MEI4: variants seen among roughly 807,000 people sequenced by gnomAD.
MEI4 encodes the protein meiosis-specific protein MEI4.
A neutral mutation model predicts 31.4 loss-of-function variants in MEI4; 27 were observed. That is an observed-to-expected ratio of 0.86 (90% confidence interval 0.63 to 1.19). The LOEUF is 1.19. Ranked by LOEUF, MEI4 falls within the 50% of genes most tolerant of loss-of-function variation. The pLI is 0.00. For synonymous variants in MEI4, 122 were observed against 145.4 expected, an observed-to-expected ratio of 0.84 and a Z score of 1.16; for missense variants, 329 against 398.9, an observed-to-expected ratio of 0.82 and a Z score of 1.49.
At chr6:77,836,357 CTTATA>C (rs911214829) in intron 4 of MEI4, among the ~76,000 whole-genome samples, 2 of 152,006 alleles carry the variant, frequency 1.3e-5, no homozygotes, top group Non-Finnish European at 2.9e-5. Context: ...TACATGCATA[CTTATA>C]TTAAATACTT....
rs1448527017 is a variant in MEI4 at position 77,699,435 on chromosome 6, G to A, written c.232+8532G>A. ...TCTCGATCTCCTGACCTCGTGATCCGCCCGCCTCGGCCTCCCAAAGTGCTG... is the reference window on the plus strand; with the variant it reads ...TCTCGATCTCCTGACCTCGTGATCCACCCGCCTCGGCCTCCCAAAGTGCTG... On this transcript the variant is annotated intron_variant, in intron 2 of 4. Coordinates refer to ENST00000684080, the MANE Select transcript of MEI4 (RefSeq NM_001322247.2). 2.2e-4 allele frequency among the ~76,000 whole-genome samples: 33 copies of A among 151,604 alleles called. No individual in the cohort carries two copies. The South Asian group carries it at 2.5e-3, about 11-fold the overall frequency.
Position 77,887,243 on chromosome 6 carries a change from A to ATTT in MEI4, c.901-35837_901-35835dup, listed in dbSNP as rs34204849. 5.9e-3 allele frequency among the ~76,000 whole-genome samples: 785 copies of ATTT among 133,642 alleles called. 7 individuals carry two copies. The highest frequency in any genetic ancestry group is 1.0e-2 in the Non-Finnish European group (604 of 60,478). 87.7% of individuals were successfully genotyped at this position (133,642 alleles called of 152,430 possible). On this transcript the variant is annotated intron_variant, in intron 4 of 4. Coordinates refer to ENST00000684080, the MANE Select transcript of MEI4 (RefSeq NM_001322247.2). The stretch of plus-strand genomic sequence containing the variant: ...GTGGTCATTCATAGTCATTTTGTTT[A>ATTT]TTTTTTTTTTTACAATTTCCAAATA...
chr6:77,910,811 C>G (rs1766416968), intron 4 of MEI4, among the ~76,000 whole-genome samples: 1 of 151,674 alleles, frequency 6.6e-6, no homozygotes, highest in African/African-American at 2.4e-5. Context: ...TATTGTAATT[C>G]TATTTTTTGT....
intron 2 of MEI4, among the ~76,000 whole-genome samples, chr6:77,735,954 G>C (rs918093660): frequency 8.8e-6 from 1 of 113,064 alleles, no homozygotes. Flanking sequence ...TCGGGGGTCA[G>C]GGGTCAGGGA....
intron 3 of MEI4, among the ~76,000 whole-genome samples, chr6:77,823,792 A>C (rs1769882401): frequency 6.6e-6 from 1 of 152,176 alleles, no homozygotes; most frequent in Non-Finnish European, 1.5e-5. Flanking sequence ...AGTAGGAAAC[A>C]CATTAGTGGC....
intron 1 of MEI4, among the ~76,000 whole-genome samples, chr6:77,685,635 C>A (rs1271613784): frequency 1.3e-5 from 2 of 151,832 alleles, no homozygotes; most frequent in Admixed American, 1.3e-4. Context: ...CCATGTTATG[C>A]AGCTCTTTCC....
intron 3 of MEI4, among the ~76,000 whole-genome samples, chr6:77,775,945 A>G (rs1768427908): frequency 6.6e-6 from 1 of 151,986 alleles, no homozygotes; most frequent in African/African-American, 2.4e-5. Flanking sequence ...ATCATTAGTG[A>G]TGTTGAGCAT....
At chr6:77,873,968 C>A (rs1308270076) in intron 4 of MEI4, among the ~76,000 whole-genome samples, 4 of 152,178 alleles carry the variant, frequency 2.6e-5, no homozygotes, top group African/African-American at 9.7e-5. Context: ...ATCTATATCT[C>A]TGTTTTGGTG....
intron 4 of MEI4, among the ~76,000 whole-genome samples, chr6:77,901,922 A>G (rs1182136174): frequency 6.6e-6 from 1 of 152,060 alleles, no homozygotes; most frequent in African/African-American, 2.4e-5. Context: ...CATTCTACAT[A>G]TGAATATTCA....
rs565380066 is a variant in MEI4 at position 77,792,000 on chromosome 6, G to T, written c.768+30335G>T. Among the ~76,000 whole-genome samples the T allele has an allele frequency of 5.1e-4, 78 of 152,256 alleles. 3 individuals are homozygous for T. In the South Asian group the frequency reaches 0.016, roughly 31 times the overall value. On this transcript the variant is annotated intron_variant, in intron 3 of 4. Coordinates refer to ENST00000684080, the MANE Select transcript of MEI4 (RefSeq NM_001322247.2). ...ACCATAGTACTCTTTACTGCTATGA[G>T]TTCAACCTTTTTAGCTTTCTAATGT... is the stretch of plus-strand genomic sequence containing the variant.
At chr6:77,667,951 C>A (rs1768668688) in intron 1 of MEI4, among the ~76,000 whole-genome samples, 1 of 146,018 alleles carries the variant, frequency 6.8e-6, no homozygotes, top group Non-Finnish European at 1.5e-5. Flanking sequence ...GACTATAGAT[C>A]TAGCTTAAAA....
rs558316379 is a variant in MEI4, at chr6:77,912,266, T to A, written c.901-10823T>A. Among the ~76,000 whole-genome samples, 5 of 152,296 alleles carry A rather than the reference T, an allele frequency of 3.3e-5. No individual in the cohort carries two copies. In the South Asian group the frequency reaches 1.0e-3, roughly 32 times the overall value. On this transcript the variant is annotated intron_variant, in intron 4 of 4. Coordinates refer to ENST00000684080, the MANE Select transcript of MEI4 (RefSeq NM_001322247.2). ...TTTTGAAGTCAGGTAGTGTGATCCC[T>A]CTAGCTTTGCTCTTTTTCCTCGGGA...
intron 1 of MEI4, among the ~76,000 whole-genome samples, chr6:77,674,904 GTAT>G (rs1375970946): frequency 6.6e-6 from 1 of 151,882 alleles, no homozygotes; most frequent in Admixed American, 6.6e-5. Flanking sequence ...AATATATATT[GTAT>G]TATTTATATT....
At chr6:77,741,610 T>C (rs181223554) in intron 2 of MEI4, among the ~76,000 whole-genome samples, 11 of 152,272 alleles carry the variant, frequency 7.2e-5, no homozygotes, top group African/African-American at 2.6e-4. Flanking sequence ...TCATTCTGTG[T>C]GTTTTTTAAT....
chr6:77,684,222 T>C (rs1769010669), intron 1 of MEI4, among the ~76,000 whole-genome samples: 1 of 152,186 alleles, frequency 6.6e-6, no homozygotes, highest in South Asian at 2.1e-4. Flanking sequence ...TTTCTGGCTA[T>C]TGAATTTTAA....
chr6:77,811,598 A>C (rs1022732712), intron 3 of MEI4, among the ~76,000 whole-genome samples: 1 of 152,094 alleles, frequency 6.6e-6, no homozygotes, highest in African/African-American at 2.4e-5. Context: ...AACATGGTGA[A>C]ACCCCGTCTC....
At chr6:77,743,928 C>G (rs1767499018) in intron 2 of MEI4, among the ~76,000 whole-genome samples, 1 of 152,170 alleles carries the variant, frequency 6.6e-6, no homozygotes, top group Non-Finnish European at 1.5e-5. Context: ...AGAAGGAAAA[C>G]TAATAAACAG....
chr6:77,707,960 A>C (rs1766368547), intron 2 of MEI4, among the ~76,000 whole-genome samples: 1 of 152,230 alleles, frequency 6.6e-6, no homozygotes, highest in Non-Finnish European at 1.5e-5. Flanking sequence ...ACCCAGCCAG[A>C]AGCCTGCTAC....
At chr6:77,861,858 T>C (rs1441487378) in intron 4 of MEI4, among the ~76,000 whole-genome samples, 4 of 152,216 alleles carry the variant, frequency 2.6e-5, no homozygotes, top group African/African-American at 7.2e-5. Flanking sequence ...TCTTGTATTG[T>C]TGTTATTCTT....
Sources: gnomAD v4.1 joint callset for allele counts (sites outside exome capture counted in the v4.1 genomes callset) on GRCh38, gnomAD v4.1.1 for gene constraint, MANE v1.5 for transcripts, NCBI Gene and HGNC (gene_info 2026-07-23, HGNC 2026-07-21) for gene names.